The following ADGRL3 variants were observed in gnomAD, a reference collection of about 807,000 sequenced individuals.
ADGRL3 encodes calcium-independent alpha-latrotoxin receptor 3.
Under a neutral mutation model 153.5 loss-of-function variants are expected in ADGRL3, and 62 were observed. The ratio of observed to expected loss-of-function variants is 0.40; its 90% CI spans 0.33 to 0.50. The LOEUF is 0.50. ADGRL3 is among the 20% of genes least tolerant of loss of function. The pLI, the probability that ADGRL3 is intolerant of heterozygous loss-of-function variation, is 0.47. For synonymous variants in ADGRL3, 710 were observed against 672.5 expected (o/e 1.06, Z -0.86); for missense variants, 1,641 against 1,859.4 (o/e 0.88, Z 2.16).
At chr4:61,478,403 GAAAC>G (rs1476723951) in intron 2 of ADGRL3, among the ~76,000 whole-genome samples, 1 of 151,922 alleles carries the variant, frequency 6.6e-6, no homozygotes, top group African/African-American at 2.4e-5. Context: ...GAAAAAAAAA[GAAAC>G]AGACAGAGGT....
intron 9 of ADGRL3, among the ~76,000 whole-genome samples, chr4:61,851,945 T>C (rs1179187212): frequency 6.6e-6 from 1 of 152,190 alleles, no homozygotes; most frequent in Non-Finnish European, 1.5e-5. Flanking sequence ...TGTCAGGAAC[T>C]GATTATGTCA....
At chr4:61,867,714 C>A (rs7654106) in intron 9 of ADGRL3, among the ~76,000 whole-genome samples, 77,868 of 149,886 alleles carry the variant, frequency 0.52, 20,810 homozygotes, top group Middle Eastern at 0.64. Flanking sequence ...CTGTTTTATG[C>A]TAAGTCTGAT....
intron 21 of ADGRL3, among the ~76,000 whole-genome samples, chr4:62,007,911 A>G (rs547335258): frequency 6.6e-6 from 1 of 152,146 alleles, no homozygotes; most frequent in Admixed American, 6.5e-5. Context: ...TTAGAAGTGT[A>G]GAACCTGCAA....
rs1385991457 is a variant in ADGRL3 at position 61,895,733 on chromosome 4, G to A, written c.1786G>A (p.Val596Ile). 3 of 1,555,706 alleles carry A rather than the reference G, an allele frequency of 1.9e-6. No individual in the cohort carries two copies. The highest frequency in any genetic ancestry group is 1.2e-5 in the South Asian group (1 of 86,314). ...KQPCPAGTIG[V>I]STYLCLAPDG... The stretch of plus-strand genomic sequence containing the variant: ...ATACATTTCTCTCATTATTACAGGT[G>A]TATCAACTTATCTATGCCTTGCTCC... Residue 596 changes from valine (V) to isoleucine (I), a missense_variant and splice_region_variant, in exon 11 of 27, where the codon GTA becomes ATA. Val to Ile is a conservative substitution (Grantham distance 29, BLOSUM62 3). Coordinates refer to ENST00000683033, the MANE Select transcript of ADGRL3 (RefSeq NM_001387552.1).
chr4:61,754,611 T>G (rs1007864591), intron 8 of ADGRL3, among the ~76,000 whole-genome samples: 1 of 149,168 alleles, frequency 6.7e-6, no homozygotes, highest in Non-Finnish European at 1.5e-5. Context: ...TGAGTGTATA[T>G]ATATATATTT....
intron 2 of ADGRL3, among the ~76,000 whole-genome samples, chr4:61,431,065 AAGAT>A (rs1242954193): frequency 6.6e-6 from 1 of 152,202 alleles, no homozygotes; most frequent in Non-Finnish European, 1.5e-5. Flanking sequence ...GAGCTAGAGT[AAGAT>A]AGATAGTTGC....
At chr4:61,240,703 A>T (rs1754585432) in intron 1 of ADGRL3, among the ~76,000 whole-genome samples, 1 of 152,060 alleles carries the variant, frequency 6.6e-6, no homozygotes, top group Non-Finnish European at 1.5e-5. Context: ...GGATATACTC[A>T]TGTGTTGCCA....
Position 61,883,759 on chromosome 4 carries a change from AT to A in ADGRL3, c.1481-8887del, listed in dbSNP as rs766474083. 9.8e-4 allele frequency among the ~76,000 whole-genome samples: 148 copies of A among 150,696 alleles called. 1 individual carries two copies. The highest frequency in any genetic ancestry group is 8.6e-3 in the East Asian group (44 of 5,124). ...AGGCATGTCAGAGTTAAATTGACAG[AT>A]TTTTTTTTTCTTTCTAAGTGGTACA... On this transcript the variant is annotated intron_variant, in intron 9 of 26. Transcript: ENST00000683033.
At chr4:61,836,339 T>A (rs1316502206) in intron 9 of ADGRL3, among the ~76,000 whole-genome samples, 1 of 152,148 alleles carries the variant, frequency 6.6e-6, no homozygotes, top group Non-Finnish European at 1.5e-5. Context: ...GGAATAATAT[T>A]TGGGACAAAA....
intron 6 of ADGRL3, among the ~76,000 whole-genome samples, chr4:61,719,325 A>T (rs2096189653): frequency 6.6e-6 from 1 of 152,106 alleles, no homozygotes; most frequent in Non-Finnish European, 1.5e-5. Flanking sequence ...AGTAGAAACC[A>T]TTCACTATCC....
chr4:62,054,853 G>A (rs557844802), intron 25 of ADGRL3, among the ~76,000 whole-genome samples: 8 of 151,578 alleles, frequency 5.3e-5, no homozygotes, highest in East Asian at 1.9e-4. Flanking sequence ...CCCTTATAGC[G>A]AATAAACATA....
chr4:61,826,450 A>G (rs1241042053), intron 9 of ADGRL3, among the ~76,000 whole-genome samples: 3 of 152,202 alleles, frequency 2.0e-5, no homozygotes, highest in Non-Finnish European at 2.9e-5. Context: ...AGACAAAGGA[A>G]AGTATAAATA....
intron 8 of ADGRL3, among the ~76,000 whole-genome samples, chr4:61,734,408 A>G (rs1471770576): frequency 6.6e-6 from 1 of 152,206 alleles, no homozygotes; most frequent in African/African-American, 2.4e-5. Context: ...ACAGTTCCAC[A>G]TGGCTAAGGA....
At chr4:61,810,379 G>C (rs983501897) in intron 8 of ADGRL3, among the ~76,000 whole-genome samples, 2 of 152,100 alleles carry the variant, frequency 1.3e-5, no homozygotes, top group Non-Finnish European at 2.9e-5. Context: ...CAAGATGTCA[G>C]TTTTCTCATC....
intron 15 of ADGRL3, among the ~76,000 whole-genome samples, chr4:61,946,479 CTTGT>C (rs1283621450): frequency 3.3e-5 from 5 of 151,202 alleles, no homozygotes; most frequent in East Asian, 1.9e-4. Context: ...TTTCAGTTTC[CTTGT>C]TTGTTTTCTT....
intron 1 of ADGRL3, among the ~76,000 whole-genome samples, chr4:61,269,640 A>G (rs1456536350): frequency 6.6e-6 from 1 of 151,682 alleles, no homozygotes; most frequent in African/African-American, 2.4e-5. Flanking sequence ...CTAATGCTCT[A>G]TTCAAGTAAC....
At chr4:61,967,636 ACCAGCTG>A (rs2099011795) in intron 17 of ADGRL3, among the ~76,000 whole-genome samples, 1 of 152,212 alleles carries the variant, frequency 6.6e-6, no homozygotes, top group Non-Finnish European at 1.5e-5. Flanking sequence ...ATTTTGGTAG[ACCAGCTG>A]CCTTTCAATC....
At chr4:61,408,288 G>T (rs914878030) in intron 2 of ADGRL3, among the ~76,000 whole-genome samples, 5 of 151,904 alleles carry the variant, frequency 3.3e-5, no homozygotes, top group Admixed American at 6.6e-5. Flanking sequence ...AATTCCAAAT[G>T]CATTGAGCTT....
In ADGRL3 at chr4:61,465,758, A is replaced by AATAAATATATATATATAT. The variant is rs71664991; in HGVS notation, c.-173-31360_-173-31359insAATATATATATATATATA. Among the ~76,000 whole-genome samples the AATAAATATATATATATAT allele has an allele frequency of 1.1e-3, 146 of 130,150 alleles. 1 individual carries two copies. Among genetic ancestry groups the AATAAATATATATATATAT allele is most frequent in the Middle Eastern group, 8.9e-3 (2 of 224 alleles). The allele number at this position is 130,150 out of a possible 152,430, so 85.4% of individuals were successfully genotyped here. A position where few individuals can be genotyped will look rare whatever the true frequency, so the allele number is the denominator to read the frequency against. ...ACTCTGGATTTTAAAATTATATATA[A>AATAAATATATATATATAT]ATATATATATATATATATATCTTAT... is the stretch of plus-strand genomic sequence containing the variant. On this transcript the variant is annotated intron_variant, in intron 2 of 26. Transcript: ENST00000683033.
Sources: allele counts gnomAD v4.1 joint callset (sites outside exome capture counted in the v4.1 genomes callset), GRCh38; gene constraint gnomAD v4.1.1; transcripts MANE v1.5; gene names NCBI Gene and HGNC (gene_info 2026-07-23, HGNC 2026-07-21).